INTS2: variants seen among roughly 807,000 people sequenced by gnomAD.
INTS2 encodes KIAA1287.
INTS2 carries 57 observed loss-of-function variants against 139.6 expected under a neutral mutation model. The ratio of observed to expected loss-of-function variants is 0.41; its 90% CI spans 0.33 to 0.51. The LOEUF is 0.51. Among genes scored for constraint, INTS2 ranks in the 20% least tolerant of loss-of-function variants. INTS2 has a pLI of 0.28. For synonymous variants in INTS2, 473 were observed against 493.4 expected, an observed-to-expected ratio of 0.96 and a Z score of 0.55; for missense variants, 1,196 against 1,436.7, an observed-to-expected ratio of 0.83 and a Z score of 2.71.
In INTS2 at chr17:61,921,891, A is replaced by G. The variant is rs1603384230; in HGVS notation, c.433-64T>C. ...TTCAGATAATTAAATCCCTATTTTT[A>G]TAATTATTTCTTGAGCTCACAGATT... On this transcript the variant is annotated intron_variant, in intron 3 of 24. Coordinates refer to ENST00000251334, the MANE Select transcript of INTS2 (RefSeq NM_001351695.2). 6 of 846,720 alleles carry G rather than the reference A, an allele frequency of 7.1e-6. No individual in the cohort carries two copies. In the East Asian group the frequency reaches 1.6e-4, roughly 23 times the overall value. The allele number at this position is 846,720 out of a possible 1,614,324, so 52.5% of individuals were successfully genotyped here.
At position 61,876,529 on chromosome 17, in the gene INTS2, C is replaced by T. The variant is rs115007800; in HGVS notation, c.2456+1358G>A. On this transcript the variant is annotated intron_variant, in intron 18 of 24. Coordinates refer to ENST00000251334, the MANE Select transcript of INTS2 (RefSeq NM_001351695.2). The surrounding 1 kb of genome is among the most constrained non-coding windows in gnomAD (Gnocchi z 4.1). The stretch of plus-strand genomic sequence containing the variant: ...TCTCACCTCACTGAAGCCTCCATCT[C>T]CTGGGCTCAAGCGATCGTCCTGCCT... 3.6e-3 allele frequency among the ~76,000 whole-genome samples: 555 copies of T among 152,080 alleles called. 2 individuals carry two copies. Among genetic ancestry groups the T allele is most frequent in the African/African-American group, 0.012 (503 of 41,490 alleles).
At position 61,924,937 on chromosome 17, in the gene INTS2, G is replaced by A. The variant is rs149406576; in HGVS notation, c.432+24C>T. ...ATAGACATCAAATCATGCATACTTTGAGCTGTGGTTAAAAGAAATGCACCT... is the reference window on the plus strand; with the variant it reads ...ATAGACATCAAATCATGCATACTTTAAGCTGTGGTTAAAAGAAATGCACCT... On this transcript the variant is annotated intron_variant, in intron 3 of 24. Transcript: ENST00000251334. 1.5e-4 allele frequency: 242 copies of A among 1,605,938 alleles called. 1 individual carries two copies. In the East Asian group the frequency reaches 5.2e-3, roughly 35 times the overall value.
In INTS2 at chr17:61,867,989, A is replaced by G; in HGVS notation, c.3265T>C (p.Tyr1089His). 4 of 1,598,484 alleles carry G rather than the reference A, an allele frequency of 2.5e-6. No individual in the cohort carries two copies. The highest frequency in any genetic ancestry group is 3.4e-6 in the Non-Finnish European group (4 of 1,175,560). Residue 1089 changes from tyrosine to histidine, a missense_variant, in exon 24 of 25, where the codon TAT becomes CAT. Transcript: ENST00000251334. The surrounding 1 kb of genome is among the most constrained non-coding windows in gnomAD (Gnocchi z 5.6). ...GGCAGAGTTGGCATAAAAAAAGCAT[A>G]CCGCTTAGCCTGTGTTAAAACTGTT... The part of the protein sequence containing the change: ...LLTVLTQAKR[Y>H]AFFMPTLPSL...
chr17:61,873,182 T>C lies in INTS2; in HGVS notation c.2583-722A>G, dbSNP rs1006034792. Among the ~76,000 whole-genome samples, 4 of 152,100 alleles carry C rather than the reference T, an allele frequency of 2.6e-5. No homozygotes were observed. Among genetic ancestry groups the C allele is most frequent in the African/African-American group, 7.2e-5 (3 of 41,396 alleles). On this transcript the variant is annotated intron_variant, in intron 19 of 24. Transcript: ENST00000251334. The surrounding 1 kb of genome is among the most constrained non-coding windows in gnomAD (Gnocchi z 4.0). ...AGTAGAAATAAAATATCCTAGGGGATTGGGTTAAGCATAGCTCTATAAAAT... is the reference window on the plus strand; with the variant it reads ...AGTAGAAATAAAATATCCTAGGGGACTGGGTTAAGCATAGCTCTATAAAAT...
In INTS2 at chr17:61,926,398, C is replaced by G; in HGVS notation, c.247G>C (p.Asp83His). 1 of 1,611,590 alleles carries G rather than the reference C, an allele frequency of 6.2e-7. No individual in the cohort carries two copies. Among genetic ancestry groups the G allele is most frequent in the Non-Finnish European group, 8.5e-7 (1 of 1,177,914 alleles). The change falls in exon 2 of 25, where the codon GAC becomes CAC. Residue 83 changes from aspartate (D) to histidine (H), a missense_variant. By Grantham distance (81) the Asp-to-His change is moderately conservative. Coordinates refer to ENST00000251334, the MANE Select transcript of INTS2 (RefSeq NM_001351695.2). ...VNSIVALLSV[D>H]FHALEQDASK... ...GCATCTTGTTCTAAAGCATGAAAGT[C>G]CACGGACAACAATGCAACAATGGAG...
Position 61,872,231 on chromosome 17 carries a change from CT to C in INTS2, c.2778+33del. 1 of 1,545,228 alleles carries C rather than the reference CT, an allele frequency of 6.5e-7. No homozygotes were observed. Among genetic ancestry groups the C allele is most frequent in the Non-Finnish European group, 8.9e-7 (1 of 1,124,598 alleles). ...TTATACTAGTAGAGAAGCCCTTGCT[CT>C]TTTTGACTAAATTTTACTTTAGCAA... On this transcript the variant is annotated intron_variant, in intron 20 of 24. Coordinates refer to ENST00000251334, the MANE Select transcript of INTS2 (RefSeq NM_001351695.2). The surrounding 1 kb of genome is among the most constrained non-coding windows in gnomAD (Gnocchi z 4.8).
intron 7 of INTS2, among the ~76,000 whole-genome samples, chr17:61,908,330 G>A (rs1010169943): frequency 4.6e-5 from 7 of 152,118 alleles, no homozygotes; most frequent in African/African-American, 7.2e-5. Flanking sequence ...CACAAGAATC[G>A]CTTGAACCCA....
intron 5 of INTS2, among the ~76,000 whole-genome samples, chr17:61,913,832 T>C (rs2079551037): frequency 6.6e-6 from 1 of 152,054 alleles, no homozygotes; most frequent in South Asian, 2.1e-4. Flanking sequence ...GGTAAATGTG[T>C]GGATAAATAG....
Position 61,889,789 on chromosome 17 carries a change from A to C in INTS2, c.1981T>G (p.Leu661Val). 6.5e-7 allele frequency: 1 copy of C among 1,536,968 alleles called. No homozygotes were observed. Among genetic ancestry groups the C allele is most frequent in the Non-Finnish European group, 9.0e-7 (1 of 1,112,700 alleles). The change falls in exon 15 of 25, where the codon TTA becomes GTA. Residue 661 changes from leucine (L) to valine (V), a missense_variant. This residue lies in a region of INTS2 where 1,129 missense variants were observed against 1,341.9 expected (regional missense o/e 0.84). Transcript: ENST00000251334. ...EEALLANTKT[L>V]AAMQRKPKSY... Reference sequence around the variant, plus strand: ...CACTCCTCTACGTACAACTTACCTAAAGTCTTCGTGTTTGCTAGAAGAGCC... The same window carrying C: ...CACTCCTCTACGTACAACTTACCTACAGTCTTCGTGTTTGCTAGAAGAGCC...
At chr17:61,914,991 G>A (rs2079565239) in intron 5 of INTS2, among the ~76,000 whole-genome samples, 1 of 151,870 alleles carries the variant, frequency 6.6e-6, no homozygotes, top group Non-Finnish European at 1.5e-5. Context: ...ATCACTTGAG[G>A]TCAGGAGTTC....
At chr17:61,922,548 G>GTATATATATATA (rs1491297129) in intron 3 of INTS2, among the ~76,000 whole-genome samples, 14 of 81,084 alleles carry the variant, frequency 1.7e-4, no homozygotes, top group South Asian at 3.1e-4. Flanking sequence ...ATATATATAC[G>GTATATATATATA]TGTTCAATTC....
chr17:61,911,984 A>G lies in INTS2; in HGVS notation c.736T>C (p.Cys246Arg). ...RRRTDALRFL[C>R]KMNPSQALKV... ...AGGGCCTGAGAAGGATTCATTTTAC[A>G]CAAGAAGCGTAAGGCATCTGTCCTG... The change falls in exon 6 of 25, where the codon TGT (cysteine) becomes CGT (arginine). Residue 246 changes from cysteine to arginine, a missense_variant. This residue lies in a region of INTS2 where 1,129 missense variants were observed against 1,341.9 expected (regional missense o/e 0.84). Coordinates refer to ENST00000251334, the MANE Select transcript of INTS2 (RefSeq NM_001351695.2). 6.2e-7 allele frequency: 1 copy of G among 1,613,786 alleles called. No individual in the cohort carries two copies. The highest frequency in any genetic ancestry group is 8.5e-7 in the Non-Finnish European group (1 of 1,179,836).
In INTS2 at chr17:61,927,586, C is replaced by G. The variant is rs562434243; in HGVS notation, c.-19+68G>C. 369 of 1,184,700 alleles carry G rather than the reference C, an allele frequency of 3.1e-4. No homozygotes were observed. In the African/African-American group the frequency reaches 5.5e-3, roughly 18 times the overall value. 73.4% of individuals were successfully genotyped at this position (1,184,700 alleles called of 1,614,324 possible). A position where few individuals can be genotyped will look rare whatever the true frequency, so the allele number is the denominator to read the frequency against. Reference sequence around the variant, plus strand: ...GAACCAATAAGTCCCTCAGGCTGAGCAAAGTCTGGCCAGGCTCCGACACGG... The same window carrying G: ...GAACCAATAAGTCCCTCAGGCTGAGGAAAGTCTGGCCAGGCTCCGACACGG... On this transcript the variant is annotated intron_variant, in intron 1 of 24. Coordinates refer to ENST00000251334, the MANE Select transcript of INTS2 (RefSeq NM_001351695.2).
intron 7 of INTS2, chr17:61,910,617 G>A (rs1177511504): frequency 6.6e-6 from 1 of 150,740 alleles, no homozygotes; most frequent in African/African-American, 2.4e-5. Flanking sequence ...AAATAGTTCT[G>A]GAAACGAAGA....
In INTS2 at chr17:61,870,487, A is replaced by C. The variant is rs1339959355; in HGVS notation, c.2779-499T>G. Among the ~76,000 whole-genome samples the C allele has an allele frequency of 3.9e-5, 6 of 152,250 alleles. No individual in the cohort carries two copies. The East Asian group carries it at 1.2e-3, about 29-fold the overall frequency. On this transcript the variant is annotated intron_variant, in intron 20 of 24. Transcript: ENST00000251334. The surrounding 1 kb of genome is among the most constrained non-coding windows in gnomAD (Gnocchi z 4.4). ...TCACAAGGAAAGAGTCTACCTTACC[A>C]TCCATTCCACCTGCACAACTCATTG...
At chr17:61,908,423 A>C (rs1027294422) in intron 7 of INTS2, among the ~76,000 whole-genome samples, 2 of 152,140 alleles carry the variant, frequency 1.3e-5, no homozygotes, top group South Asian at 2.1e-4. Context: ...CTCAAAAAAA[A>C]CAAAAGAGTT....
chr17:61,879,720 G>C (rs1490139560), intron 17 of INTS2, among the ~76,000 whole-genome samples: 1 of 152,084 alleles, frequency 6.6e-6, no homozygotes, highest in African/African-American at 2.4e-5. Context: ...GTGGTGGCAT[G>C]TACCTGTAGT....
chr17:61,907,751 G>A (rs570302378), intron 7 of INTS2, 117 bp from the exon 8 acceptor site: 1 of 721,538 alleles, frequency 1.4e-6, no homozygotes, highest in African/African-American at 1.8e-5. Context: ...TGAAGAGATT[G>A]TCGTGACTAC....
Position 61,927,874 on chromosome 17 carries a change from A to T in INTS2, c.-239T>A. On this transcript the variant is annotated 5_prime_UTR_variant, in exon 1 of 25. Coordinates refer to ENST00000251334, the MANE Select transcript of INTS2 (RefSeq NM_001351695.2). Reference sequence around the variant, plus strand: ...TGGGAAGGATGGGGGCACCACACAAAGGCAGAACCGGGACTGTAGGAACGG... The same window carrying T: ...TGGGAAGGATGGGGGCACCACACAATGGCAGAACCGGGACTGTAGGAACGG... The T allele has an allele frequency of 6.2e-7, 1 of 1,613,910 alleles. No homozygotes were observed.
Sources: allele counts gnomAD v4.1 joint callset (sites outside exome capture counted in the v4.1 genomes callset), GRCh38; gene constraint gnomAD v4.1.1; regional missense constraint gnomAD v4.1.1; non-coding constraint Gnocchi (gnomAD v3.1); transcripts MANE v1.5; gene names NCBI Gene and HGNC (gene_info 2026-07-23, HGNC 2026-07-21).